The following EPHA6 variants were observed in gnomAD, a reference collection of about 807,000 sequenced individuals.
EPHA6 encodes the protein ephrin type-A receptor 6.
EPHA6 carries 50 observed loss-of-function variants against 112.0 expected under a neutral mutation model. That is an observed-to-expected ratio of 0.45 (90% CI 0.36 to 0.56). The LOEUF (loss-of-function observed/expected upper bound fraction) is 0.56. Ranked by LOEUF, EPHA6 falls within the 20% of genes least tolerant of loss-of-function variation. The pLI, the probability that EPHA6 is intolerant of heterozygous loss-of-function variation, is 0.00. For missense variants in EPHA6, 1,280 were observed against 1,417.4 expected (o/e 0.90, Z 1.56); for synonymous variants, 529 against 490.7 (o/e 1.08, Z -1.03).
chr3:96,922,601 G>A (rs1015140549), intron 2 of EPHA6, among the ~76,000 whole-genome samples: 5 of 152,016 alleles, frequency 3.3e-5, no homozygotes, highest in Non-Finnish European at 7.4e-5. Flanking sequence ...AAAAATGTAT[G>A]ATATTTGTAA....
At chr3:97,652,213 G>T (rs570099905) in intron 14 of EPHA6, among the ~76,000 whole-genome samples, 1 of 152,170 alleles carries the variant, frequency 6.6e-6, no homozygotes, top group African/African-American at 2.4e-5. Context: ...ACAGTAAACA[G>T]CTAAGAAGGA....
intron 10 of EPHA6, among the ~76,000 whole-genome samples, chr3:97,528,569 C>CT (rs1211992420): frequency 1.3e-5 from 2 of 152,020 alleles, no homozygotes; most frequent in Non-Finnish European, 2.9e-5. Context: ...CCATTGGGAC[C>CT]GTGGCTCTTT....
intron 5 of EPHA6, among the ~76,000 whole-genome samples, chr3:97,304,626 C>CA (rs373292036): frequency 1.3e-5 from 2 of 152,054 alleles, no homozygotes; most frequent in African/African-American, 4.8e-5. Context: ...ATAAACCTGA[C>CA]AAAAACAAGC....
At chr3:97,122,750 C>A (rs924260788) in intron 3 of EPHA6, among the ~76,000 whole-genome samples, 89 of 151,838 alleles carry the variant, frequency 5.9e-4, no homozygotes, top group Admixed American at 2.6e-4. Context: ...GTATAGAATT[C>A]TTTATATACA....
intron 11 of EPHA6, among the ~76,000 whole-genome samples, chr3:97,556,595 A>G (rs1267541886): frequency 6.6e-6 from 1 of 152,008 alleles, no homozygotes; most frequent in Non-Finnish European, 1.5e-5. Flanking sequence ...CCATGATTCA[A>G]TTACCTCCAC....
chr3:97,486,446 A>C, intron 10 of EPHA6, among the ~76,000 whole-genome samples: 1 of 152,216 alleles, frequency 6.6e-6, no homozygotes, highest in Non-Finnish European at 1.5e-5. Context: ...AGAATGCCTC[A>C]CATGGGGTAG....
chr3:97,495,484 G>A (rs1450611103), intron 10 of EPHA6, among the ~76,000 whole-genome samples: 1 of 151,706 alleles, frequency 6.6e-6, no homozygotes, highest in African/African-American at 2.4e-5. Flanking sequence ...GGAATATATG[G>A]TATATGTACT....
At chr3:97,505,836 C>T (rs1455647354) in intron 10 of EPHA6, among the ~76,000 whole-genome samples, 1 of 152,224 alleles carries the variant, frequency 6.6e-6, no homozygotes, top group African/African-American at 2.4e-5. Flanking sequence ...TCCACATCCT[C>T]TCCAGCATCT....
chr3:97,447,789 A>C (rs1262621296), intron 6 of EPHA6: 17 of 1,015,428 alleles, frequency 1.7e-5, no homozygotes, highest in Non-Finnish European at 2.0e-5. Flanking sequence ...CACGCAAGAG[A>C]CTGAGAACCA....
chr3:97,585,046 C>G (rs2093475371), intron 11 of EPHA6, among the ~76,000 whole-genome samples: 1 of 152,138 alleles, frequency 6.6e-6, no homozygotes, highest in Non-Finnish European at 1.5e-5. Flanking sequence ...ATTCAGGACA[C>G]TTTTTCAGTA....
intron 2 of EPHA6, among the ~76,000 whole-genome samples, chr3:96,936,133 G>A (rs1394402969): frequency 1.3e-5 from 2 of 152,022 alleles, no homozygotes; most frequent in African/African-American, 4.8e-5. Context: ...ATAGGAGCCA[G>A]GTTGGAAAAG....
rs1421790649 is a variant in EPHA6, at chr3:97,488,500, T to A, written c.2200+4441T>A. ...GCCTCTCCTAATTCCCCTGCCACCC[T>A]CAACCCAGCAGGCCTCTATTTTCTA... is the stretch of plus-strand genomic sequence containing the variant. On this transcript the variant is annotated intron_variant, in intron 10 of 17. Coordinates refer to ENST00000389672, the MANE Select transcript of EPHA6 (RefSeq NM_001080448.3). Among the ~76,000 whole-genome samples, 3 of 152,322 alleles carry A rather than the reference T, an allele frequency of 2.0e-5. No individual in the cohort carries two copies. The East Asian group carries it at 5.8e-4, about 29-fold the overall frequency.
At chr3:97,067,573 G>A (rs539671039) in intron 3 of EPHA6, among the ~76,000 whole-genome samples, 1 of 151,428 alleles carries the variant, frequency 6.6e-6, no homozygotes, top group South Asian at 2.1e-4. Context: ...AGAAGCAATA[G>A]TAGGATAAAA....
intron 14 of EPHA6, among the ~76,000 whole-genome samples, chr3:97,708,873 TG>T (rs1034993056): frequency 1.3e-5 from 2 of 152,112 alleles, no homozygotes; most frequent in Non-Finnish European, 2.9e-5. Flanking sequence ...GTGGCTTCCA[TG>T]TGATATTGGG....
At chr3:97,009,985 G>GT (rs746552671) in intron 3 of EPHA6, 75,488 of 569,658 alleles carry the variant, frequency 0.13, 1 homozygote, top group South Asian at 0.22. Context: ...GCTTATCATT[G>GT]TTTTTTTTTT....
chr3:97,177,194 C>T (rs192360885), intron 3 of EPHA6, among the ~76,000 whole-genome samples: 2 of 151,828 alleles, frequency 1.3e-5, no homozygotes, highest in Admixed American at 1.3e-4. Context: ...TCCAAAATTC[C>T]TCTTGCTATT....
At chr3:97,302,060 T>C (rs1440251212) in intron 5 of EPHA6, among the ~76,000 whole-genome samples, 1 of 151,986 alleles carries the variant, frequency 6.6e-6, no homozygotes, top group East Asian at 1.9e-4. Flanking sequence ...TAAAAGAAAA[T>C]TGTTGACTAC....
chr3:97,476,745 G>A (rs1263707566), intron 8 of EPHA6, among the ~76,000 whole-genome samples: 4 of 151,964 alleles, frequency 2.6e-5, no homozygotes, highest in Admixed American at 6.6e-5. Context: ...ATTTACCGAG[G>A]AAAAAAGCAG....
chr3:96,861,407 C>T (rs1452762350), intron 1 of EPHA6, among the ~76,000 whole-genome samples: 2 of 151,506 alleles, frequency 1.3e-5, no homozygotes, highest in Non-Finnish European at 2.9e-5. Context: ...TTTAAGATAA[C>T]AGTGAAGAAA....
Sources: allele counts gnomAD v4.1 joint callset (sites outside exome capture counted in the v4.1 genomes callset), GRCh38; gene constraint gnomAD v4.1.1; transcripts MANE v1.5; gene names NCBI Gene and HGNC (gene_info 2026-07-23, HGNC 2026-07-21).